The following LAPTM4A variants were observed in gnomAD, a reference collection of about 807,000 sequenced individuals.
LAPTM4A encodes the protein lysosomal protein transmembrane 4 alpha, also known as lysosomal-associated transmembrane protein 4A.
Under a neutral mutation model 29.9 loss-of-function variants are expected in LAPTM4A, and 19 were observed. The observed-to-expected ratio is 0.64, with a 90% CI of 0.44 to 0.93. The LOEUF (loss-of-function observed/expected upper bound fraction) is 0.93. Ranked by LOEUF, LAPTM4A falls within the 40% of genes least tolerant of loss-of-function variation. LAPTM4A has a pLI of 0.00. For synonymous variants in LAPTM4A, 105 were observed against 102.1 expected (o/e 1.03, Z -0.17); for missense variants, 293 against 288.5 (o/e 1.02, Z -0.11).
rs141916715 is a variant in LAPTM4A, at chr2:20,033,253, G to A, written c.654C>T (p.Ala218=). 1.4e-4 allele frequency: 226 copies of A among 1,613,788 alleles called. No individual in the cohort carries two copies. Among genetic ancestry groups the A allele is most frequent in the Non-Finnish European group, 1.7e-4 (203 of 1,179,926 alleles). The change falls in exon 7 of 7, where the codon GCC becomes GCT. Residue 218 remains alanine, a synonymous_variant. Transcript: ENST00000175091. ...GTGGTTCTTTTTCAGGCATTTTCACGGCCATTTCATAGGTTGGCAAAACGT... is the reference window on the plus strand; with the variant it reads ...GTGGTTCTTTTTCAGGCATTTTCACAGCCATTTCATAGGTTGGCAAAACGT... ...PQYVLPTYEM[A]VKMPEKEPPP...
At chr2:20,046,550 C>T (rs111383198) in intron 1 of LAPTM4A, among the ~76,000 whole-genome samples, 21 of 151,252 alleles carry the variant, frequency 1.4e-4, no homozygotes, top group Non-Finnish European at 2.7e-4. Context: ...GTAGTTACTG[C>T]GATCTAGGCT....
At chr2:20,046,770 TA>T in intron 1 of LAPTM4A, among the ~76,000 whole-genome samples, 1 of 145,516 alleles carries the variant, frequency 6.9e-6, no homozygotes, top group African/African-American at 2.5e-5. Flanking sequence ...ATATATAATA[TA>T]ATATATAAAT....
intron 4 of LAPTM4A, 139 bp from the exon 5 acceptor site, chr2:20,035,201 C>T: frequency 1.5e-6 from 1 of 645,886 alleles, no homozygotes; most frequent in Non-Finnish European, 2.8e-6. Context: ...GAATTTAATT[C>T]AAAGTGCTTT....
chr2:20,033,101 C>T lies in LAPTM4A; in HGVS notation c.*104G>A. The T allele has an allele frequency of 1.1e-6, 1 of 915,768 alleles. No homozygotes were observed. The highest frequency in any genetic ancestry group is 1.8e-6 in the Non-Finnish European group (1 of 565,104). 56.7% of individuals were successfully genotyped at this position (915,768 alleles called of 1,614,324 possible). A position where few individuals can be genotyped will look rare whatever the true frequency, so the allele number is the denominator to read the frequency against. On this transcript the variant is annotated 3_prime_UTR_variant, in exon 7 of 7. Transcript: ENST00000175091. The stretch of plus-strand genomic sequence containing the variant: ...AAATAAATGCTTAAACAAAAGACAA[C>T]ATATTTTATATCAAACAAGTTTGAA...
Position 20,040,944 on chromosome 2 carries a change from A to G in LAPTM4A, c.179T>C (p.Val60Ala). The G allele has an allele frequency of 1.2e-6, 2 of 1,613,736 alleles. No individual in the cohort carries two copies. Among genetic ancestry groups the G allele is most frequent in the Non-Finnish European group, 8.5e-7 (1 of 1,179,588 alleles). The change falls in exon 2 of 7, where the codon GTC becomes GCC. Residue 60 changes from valine to alanine, a missense_variant. Transcript: ENST00000175091. Reference sequence around the variant, plus strand: ...ACCGATGACTTCATACTGAATGTTGACAGCTGGCATGGAGTTTGGATGAGT... The same window carrying G: ...ACCGATGACTTCATACTGAATGTTGGCAGCTGGCATGGAGTTTGGATGAGT... ...EVTHPNSMPAVNIQYEVIGNY... is the reference protein window; with the variant it reads ...EVTHPNSMPAANIQYEVIGNY...
rs771806427 is a variant in LAPTM4A, at chr2:20,037,454, C to T, written c.310-16G>A. 3.7e-6 allele frequency: 6 copies of T among 1,605,516 alleles called. 1 individual carries two copies. Among genetic ancestry groups the T allele is most frequent in the East Asian group, 4.5e-5 (2 of 44,786 alleles). On this transcript the variant is annotated splice_polypyrimidine_tract_variant and intron_variant, in intron 3 of 6. Coordinates refer to ENST00000175091, the MANE Select transcript of LAPTM4A (RefSeq NM_014713.5). ...CCACTTGATACTGGAGAAAAAATAACAACCATAACATTGTATCACATATAG... is the reference window on the plus strand; with the variant it reads ...CCACTTGATACTGGAGAAAAAATAATAACCATAACATTGTATCACATATAG...
chr2:20,041,419 C>T (rs764855941), intron 1 of LAPTM4A, among the ~76,000 whole-genome samples: 6 of 152,208 alleles, frequency 3.9e-5, no homozygotes, highest in Non-Finnish European at 7.3e-5. Context: ...CATCTCTCAT[C>T]AGGTGACAGA....
rs749609331 is a variant in LAPTM4A, at chr2:20,051,444, C to A, written c.77G>T (p.Arg26Leu). 3.7e-6 allele frequency: 6 copies of A among 1,613,214 alleles called. No homozygotes were observed. The East Asian group carries it at 1.3e-4, about 36-fold the overall frequency. The change falls in exon 1 of 7, where the codon CGC becomes CTC. Residue 26 changes from arginine (R) to leucine (L), a missense_variant. Arg to Leu is a moderately radical substitution (Grantham distance 102, BLOSUM62 -2). Coordinates refer to ENST00000175091, the MANE Select transcript of LAPTM4A (RefSeq NM_014713.5). The stretch of plus-strand genomic sequence containing the variant: ...GGTCCCCAGGATGATCGTCCCGGTG[C>A]GGACATGGCAACAGCCGCAGCACCG... ...STRCCGCCHV[R>L]TGTIILGTWY... is the part of the protein sequence containing the mutation.
chr2:20,041,056 ACGC>A (rs754544639), intron 1 of LAPTM4A, 45 bp from the exon 2 acceptor site: 10 of 1,601,348 alleles, frequency 6.2e-6, no homozygotes, highest in Non-Finnish European at 8.6e-6. Context: ...TACCATCACG[ACGC>A]AATCTTAGCA....
chr2:20,046,954 C>T (rs1218646915), intron 1 of LAPTM4A, among the ~76,000 whole-genome samples: 1 of 150,786 alleles, frequency 6.6e-6, no homozygotes, highest in Non-Finnish European at 1.5e-5. Context: ...TCCAGGAGAA[C>T]ATCTTGCTGT....
chr2:20,034,414 G>A lies in LAPTM4A; in HGVS notation c.530C>T (p.Ala177Val), dbSNP rs917491108. The change falls in exon 6 of 7, where the codon GCT becomes GTT. Residue 177 changes from alanine (A) to valine (V), a missense_variant and splice_region_variant. Coordinates refer to ENST00000175091, the MANE Select transcript of LAPTM4A (RefSeq NM_014713.5). ...GTTCCAAACACAGTTAATTAGATAA[G>A]CCTGGAAGAATAAAAACAAAGTTGA... The part of the protein sequence containing the change: ...VFFALFIIFK[A>V]YLINCVWNCY... 5.6e-6 allele frequency: 9 copies of A among 1,605,484 alleles called. No homozygotes were observed. Among genetic ancestry groups the A allele is most frequent in the Non-Finnish European group, 7.7e-6 (9 of 1,172,092 alleles).
Position 20,051,549 on chromosome 2 carries a change from G to A in LAPTM4A, c.-29C>T, listed in dbSNP as rs761435923. 1.8e-5 allele frequency: 26 copies of A among 1,439,470 alleles called. No homozygotes were observed. The highest frequency in any genetic ancestry group is 7.3e-5 in the South Asian group (6 of 82,742). The allele number at this position is 1,439,470 out of a possible 1,614,324, so 89.2% of individuals were successfully genotyped here. A position where few individuals can be genotyped will look rare whatever the true frequency, so the allele number is the denominator to read the frequency against. ...AACAGGCGGGCCTCCTTCTTGGCCG[G>A]GCCCCTGACAAACGTTCTCCACCCG... On this transcript the variant is annotated 5_prime_UTR_variant, in exon 1 of 7. Coordinates refer to ENST00000175091, the MANE Select transcript of LAPTM4A (RefSeq NM_014713.5).
chr2:20,049,324 AC>A (rs774157826), intron 1 of LAPTM4A, among the ~76,000 whole-genome samples: 4 of 152,240 alleles, frequency 2.6e-5, no homozygotes, highest in Non-Finnish European at 5.9e-5. Context: ...TAAGAAGTTT[AC>A]AATAAAATGT....
rs771237835 is a variant in LAPTM4A at position 20,034,326 on chromosome 2, T to A, written c.618A>T (p.Ala206=). ...PEIAVYPAFE[A]PPQYVLPTYE... ...TCCAACAGTAGCTAACCTGAGGAGG[T>A]GCTTCAAAGGCAGGGTACACAGCAA... is the stretch of plus-strand genomic sequence containing the variant. Residue 206 remains alanine, a synonymous_variant, in exon 6 of 7, where the codon GCA becomes GCT. Transcript: ENST00000175091. 53 of 1,611,684 alleles carry A rather than the reference T, an allele frequency of 3.3e-5. 1 individual carries two copies. In the South Asian group the frequency reaches 5.5e-4, roughly 17 times the overall value.
At chr2:20,043,477 A>G (rs967982671) in intron 1 of LAPTM4A, among the ~76,000 whole-genome samples, 2 of 152,276 alleles carry the variant, frequency 1.3e-5, no homozygotes, top group African/African-American at 4.8e-5. Flanking sequence ...TGGCCTCCCA[A>G]AGTGCTGGGA....
At chr2:20,047,956 A>G (rs531238196) in intron 1 of LAPTM4A, among the ~76,000 whole-genome samples, 1 of 152,206 alleles carries the variant, frequency 6.6e-6, no homozygotes, top group Non-Finnish European at 1.5e-5. Flanking sequence ...AGTTTAAGGA[A>G]GGAAACTAAC....
chr2:20,035,232 C>T, intron 4 of LAPTM4A, 170 bp from the exon 5 acceptor site: 1 of 589,936 alleles, frequency 1.7e-6, no homozygotes. Flanking sequence ...GCCTTATCAC[C>T]ATTAATGCAT....
At chr2:20,049,957 A>C (rs975734266) in intron 1 of LAPTM4A, among the ~76,000 whole-genome samples, 6 of 152,234 alleles carry the variant, frequency 3.9e-5, no homozygotes, top group Non-Finnish European at 8.8e-5. Flanking sequence ...AAGCTATAAA[A>C]GGAAGTTAGA....
chr2:20,049,048 T>C (rs1673998792), intron 1 of LAPTM4A, among the ~76,000 whole-genome samples: 2 of 152,228 alleles, frequency 1.3e-5, no homozygotes, highest in African/African-American at 4.8e-5. Context: ...GAATCTGATA[T>C]TACTGATCAC....
Sources: gnomAD v4.1 joint callset for allele counts (sites outside exome capture counted in the v4.1 genomes callset) on GRCh38, gnomAD v4.1.1 for gene constraint, MANE v1.5 for transcripts, NCBI Gene and HGNC (gene_info 2026-07-23, HGNC 2026-07-21) for gene names.